Variants in ZNF704 observed in about 807,000 individuals in gnomAD.
ZNF704 encodes the protein glucocorticoid induced gene 1.
A neutral mutation model predicts 44.7 loss-of-function variants in ZNF704; 10 were observed. The observed-to-expected ratio is 0.22, with a 90% CI of 0.14 to 0.38. ZNF704 has a LOEUF of 0.38. Among genes scored for constraint, ZNF704 ranks in the 10% least tolerant of loss-of-function variants. ZNF704 has a pLI of 1.00. For missense variants in ZNF704, 390 were observed against 545.5 expected, an observed-to-expected ratio of 0.71 and a Z score of 2.84; for synonymous variants, 211 against 207.6, an observed-to-expected ratio of 1.02 and a Z score of -0.14.
At chr8:80,703,122 C>A (rs1585966673) in intron 2 of ZNF704, among the ~76,000 whole-genome samples, 2 of 152,138 alleles carry the variant, frequency 1.3e-5, no homozygotes, top group African/African-American at 2.4e-5. Context: ...CTGCTCTGGT[C>A]TCCCGACTCT....
chr8:80,747,446 T>A (rs1262388920), intron 2 of ZNF704, among the ~76,000 whole-genome samples: 1 of 152,214 alleles, frequency 6.6e-6, no homozygotes, highest in African/African-American at 2.4e-5. Flanking sequence ...TTTTATTTTA[T>A]ATGCTACACA....
At chr8:80,840,232 G>A (rs943586364) in intron 1 of ZNF704, among the ~76,000 whole-genome samples, 13 of 152,150 alleles carry the variant, frequency 8.5e-5, no homozygotes, top group South Asian at 4.1e-4. Context: ...CATGGCCTGC[G>A]GGCCGCATGA....
chr8:80,758,401 T>C (rs1280498704), intron 2 of ZNF704, among the ~76,000 whole-genome samples: 1 of 152,226 alleles, frequency 6.6e-6, no homozygotes, highest in Non-Finnish European at 1.5e-5. Context: ...TTAAGCATTT[T>C]GCACAGAACT....
At chr8:80,671,501 TC>T (rs1459022372) in intron 4 of ZNF704, among the ~76,000 whole-genome samples, 1 of 152,200 alleles carries the variant, frequency 6.6e-6, no homozygotes, top group African/African-American at 2.4e-5. Flanking sequence ...TGGAAGTGAA[TC>T]AGTTAGCAGA....
chr8:80,878,568 A>G (rs898790821), upstream of ZNF704, among the ~76,000 whole-genome samples: 1 of 152,254 alleles, frequency 6.6e-6, no homozygotes, highest in East Asian at 1.9e-4. Context: ...TTATGAAAGT[A>G]AGATTAGCTT....
intron 2 of ZNF704, among the ~76,000 whole-genome samples, chr8:80,696,466 G>A (rs893547799): frequency 6.6e-6 from 1 of 152,174 alleles, no homozygotes; most frequent in Non-Finnish European, 1.5e-5. Flanking sequence ...CACCCAGGCT[G>A]GAGTGCAGTG....
intron 2 of ZNF704, among the ~76,000 whole-genome samples, chr8:80,724,524 G>A (rs998460996): frequency 1.8e-4 from 28 of 151,976 alleles, no homozygotes; most frequent in African/African-American, 6.3e-4. Flanking sequence ...TTTAACTCTC[G>A]ATACTCACGG....
intron 1 of ZNF704, among the ~76,000 whole-genome samples, chr8:80,868,359 A>G (rs1478405223): frequency 2.6e-5 from 4 of 152,268 alleles, no homozygotes; most frequent in Admixed American, 2.6e-4. Context: ...TATCCATTAG[A>G]GTAATCAAGC....
At chr8:80,718,121 T>C (rs914391942) in intron 2 of ZNF704, among the ~76,000 whole-genome samples, 1 of 152,158 alleles carries the variant, frequency 6.6e-6, no homozygotes, top group Non-Finnish European at 1.5e-5. Flanking sequence ...AGATTTTTCA[T>C]CATTTTATTA....
chr8:80,816,183 G>A (rs1208882547), intron 2 of ZNF704, among the ~76,000 whole-genome samples: 1 of 152,042 alleles, frequency 6.6e-6, no homozygotes, highest in African/African-American at 2.4e-5. Flanking sequence ...TTCCTGATTG[G>A]TCTTCCTTTG....
chr8:80,770,311 A>C (rs1254397097), intron 2 of ZNF704, among the ~76,000 whole-genome samples: 5 of 152,124 alleles, frequency 3.3e-5, no homozygotes, highest in African/African-American at 1.2e-4. Context: ...ATTATAGCCA[A>C]ATCGACTTAC....
At chr8:80,797,358 C>T (rs1436242847) in intron 2 of ZNF704, among the ~76,000 whole-genome samples, 1 of 152,192 alleles carries the variant, frequency 6.6e-6, no homozygotes, top group African/African-American at 2.4e-5. Context: ...CTAGTAGGGG[C>T]TCTCTGCAGT....
intron 2 of ZNF704, among the ~76,000 whole-genome samples, chr8:80,711,553 A>C (rs141295343): frequency 6.6e-6 from 1 of 152,306 alleles, no homozygotes; most frequent in Non-Finnish European, 1.5e-5. Flanking sequence ...GCTTTAAAGA[A>C]ACTTGAGGGA....
chr8:80,870,185 A>G (rs1019378682), intron 1 of ZNF704, among the ~76,000 whole-genome samples: 6 of 152,204 alleles, frequency 3.9e-5, no homozygotes, highest in African/African-American at 1.4e-4. Context: ...TTAAAGCAAA[A>G]AAAAATTTGT....
At chr8:80,750,770 C>A (rs1806929327) in intron 2 of ZNF704, among the ~76,000 whole-genome samples, 2 of 152,326 alleles carry the variant, frequency 1.3e-5, no homozygotes, top group South Asian at 4.1e-4. Context: ...CCACCTCAGC[C>A]TCCCAAAGTG....
At chr8:80,688,511 T>C (rs1350452500) in intron 3 of ZNF704, among the ~76,000 whole-genome samples, 2 of 152,192 alleles carry the variant, frequency 1.3e-5, no homozygotes, top group Admixed American at 1.3e-4. Context: ...AGTGACTTGC[T>C]ACATGACTGG....
chr8:80,747,082 C>T (rs559188201), intron 2 of ZNF704, among the ~76,000 whole-genome samples: 5 of 152,218 alleles, frequency 3.3e-5, no homozygotes, highest in East Asian at 1.9e-4. Context: ...TCTGCTTCCT[C>T]GATCCCAATG....
chr8:80,787,600 ATTTCT>A (rs1216117921), intron 2 of ZNF704, among the ~76,000 whole-genome samples: 1 of 152,164 alleles, frequency 6.6e-6, no homozygotes. Flanking sequence ...AATATGGCTG[ATTTCT>A]TTAATTTTCT....
At chr8:80,793,235 A>C (rs1018830665) in intron 2 of ZNF704, among the ~76,000 whole-genome samples, 1 of 152,210 alleles carries the variant, frequency 6.6e-6, no homozygotes, top group East Asian at 1.9e-4. Flanking sequence ...CTGAGCAATA[A>C]GGAGCAATTG....
Sources: gnomAD v4.1 joint callset for allele counts (sites outside exome capture counted in the v4.1 genomes callset) on GRCh38, gnomAD v4.1.1 for gene constraint, MANE v1.5 for transcripts, NCBI Gene and HGNC (gene_info 2026-07-23, HGNC 2026-07-21) for gene names.